C1GALT1: variants seen among roughly 807,000 people sequenced by gnomAD.
C1GALT1 encodes glycoprotein-N-acetylgalactosamine 3-beta-galactosyltransferase 1.
In C1GALT1, 11 loss-of-function variants were observed where a neutral mutation model predicts 31.0. The observed-to-expected ratio is 0.36, with a 90% confidence interval of 0.22 to 0.59. C1GALT1 has a LOEUF of 0.59. Ranked by LOEUF, C1GALT1 falls within the 20% of genes least tolerant of loss-of-function variation. C1GALT1 has a pLI of 0.79. For missense variants in C1GALT1, 424 were observed against 425.2 expected (o/e 1.00, Z 0.03); for synonymous variants, 175 against 143.6 (o/e 1.22, Z -1.56).
At chr7:7,193,653 A>G (rs1043944640) in intron 1 of C1GALT1, among the ~76,000 whole-genome samples, 18 of 151,798 alleles carry the variant, frequency 1.2e-4, no homozygotes, top group African/African-American at 4.1e-4. Context: ...TGATTTGGCT[A>G]TGTGTGTTCC....
intron 1 of C1GALT1, among the ~76,000 whole-genome samples, chr7:7,196,238 A>G (rs1355954248): frequency 1.1e-5 from 1 of 90,568 alleles, no homozygotes; most frequent in African/African-American, 4.4e-5. Context: ...GACAGGCCCC[A>G]GTGTGTGATG....
At chr7:7,226,842 A>G (rs1474319941) in intron 1 of C1GALT1, among the ~76,000 whole-genome samples, 2 of 152,232 alleles carry the variant, frequency 1.3e-5, no homozygotes, top group African/African-American at 4.8e-5. Context: ...TACAGTTCAT[A>G]ATTCATATAA....
intron 1 of C1GALT1, among the ~76,000 whole-genome samples, chr7:7,210,234 G>T (rs905446185): frequency 4.1e-5 from 6 of 147,176 alleles, no homozygotes; most frequent in Admixed American, 1.4e-4. Flanking sequence ...TCTGAACCTG[G>T]AATTGTGGGA....
chr7:7,220,338 G>A (rs1204404707), intron 1 of C1GALT1, among the ~76,000 whole-genome samples: 2 of 152,134 alleles, frequency 1.3e-5, no homozygotes, highest in Admixed American at 1.3e-4. Context: ...TTAGAGTTGA[G>A]TGTTCTTTTT....
rs1289973747 is a variant in C1GALT1, at chr7:7,247,406, A to G, written c.*3679A>G. The G allele has an allele frequency of 6.6e-6, 1 of 152,146 alleles. No homozygotes were observed. Among genetic ancestry groups the G allele is most frequent in the Non-Finnish European group, 1.5e-5 (1 of 67,970 alleles). 9.4% of individuals were successfully genotyped at this position (152,146 alleles called of 1,614,324 possible). Reference sequence around the variant, plus strand: ...CATAGATAAAGCAGATTTTTGTCCCAGTTTGCTTTCAAATATAAATTTCAG... The same window carrying G: ...CATAGATAAAGCAGATTTTTGTCCCGGTTTGCTTTCAAATATAAATTTCAG... On this transcript the variant is annotated 3_prime_UTR_variant, in exon 4 of 4. Transcript: ENST00000436587.
chr7:7,169,256 G>A (rs79374149), intron 2 of C1GALT1, among the ~76,000 whole-genome samples: 3,765 of 152,102 alleles, frequency 0.025, 138 homozygotes, highest in East Asian at 0.16. Context: ...TCCATTTCTT[G>A]GTTGATGAAC....
intron 1 of C1GALT1, among the ~76,000 whole-genome samples, chr7:7,197,473 CATG>C (rs1191312890): frequency 6.6e-6 from 1 of 152,120 alleles, no homozygotes; most frequent in African/African-American, 2.4e-5. Flanking sequence ...AGTCAGGTAG[CATG>C]ATGCCTCCAG....
chr7:7,179,875 A>AC (rs1780550999), upstream of C1GALT1, among the ~76,000 whole-genome samples: 1 of 151,830 alleles, frequency 6.6e-6, no homozygotes, highest in Non-Finnish European at 1.5e-5. Flanking sequence ...AAAAAAAAAA[A>AC]AAGGGATGGG....
rs1783898078 is a variant in C1GALT1, at chr7:7,247,640, A to C, written c.*3913A>C. The C allele has an allele frequency of 6.6e-6, 1 of 152,092 alleles. No individual in the cohort carries two copies. The highest frequency in any genetic ancestry group is 2.1e-4 in the South Asian group (1 of 4,836). The allele number at this position is 152,092 out of a possible 1,614,324, so 9.4% of individuals were successfully genotyped here. A position where few individuals can be genotyped will look rare whatever the true frequency, so the allele number is the denominator to read the frequency against. ...TGTACTTGAAAGAATCCCTTGATTAAATTACATCTAGCATTTTATTTGCCA... is the reference window on the plus strand; with the variant it reads ...TGTACTTGAAAGAATCCCTTGATTACATTACATCTAGCATTTTATTTGCCA... On this transcript the variant is annotated 3_prime_UTR_variant, in exon 4 of 4. Coordinates refer to ENST00000436587, the MANE Select transcript of C1GALT1 (RefSeq NM_020156.5).
rs1255184120 is a variant in C1GALT1 at position 7,245,864 on chromosome 7, T to C, written c.*2137T>C. The C allele has an allele frequency of 6.6e-6, 1 of 152,234 alleles. No individual in the cohort carries two copies. The highest frequency in any genetic ancestry group is 1.5e-5 in the Non-Finnish European group (1 of 68,036). The allele number at this position is 152,234 out of a possible 1,614,324, so 9.4% of individuals were successfully genotyped here. On this transcript the variant is annotated 3_prime_UTR_variant, in exon 4 of 4. Coordinates refer to ENST00000436587, the MANE Select transcript of C1GALT1 (RefSeq NM_020156.5). Reference sequence around the variant, plus strand: ...TCTAACACTTACTGTTTTTGTAACCTTGAGCAATTTTAATCTCTCTGTGTC... The same window carrying C: ...TCTAACACTTACTGTTTTTGTAACCCTGAGCAATTTTAATCTCTCTGTGTC...
rs186784177 is a variant in C1GALT1, at chr7:7,159,303, A to G, written c.-18+1877A>G. On this transcript the variant is annotated intron_variant, in intron 2 of 3. Transcript: ENST00000429911. Reference sequence around the variant, plus strand: ...TAATATTGACCACCTTTTCTCTACTAGGAGGGTCAGATATAAAAAGTAGAA... The same window carrying G: ...TAATATTGACCACCTTTTCTCTACTGGGAGGGTCAGATATAAAAAGTAGAA... Among the ~76,000 whole-genome samples, 242 of 152,202 alleles carry G rather than the reference A, an allele frequency of 1.6e-3. 2 individuals are homozygous for G. Among genetic ancestry groups the G allele is most frequent in the Middle Eastern group, 0.01 (3 of 294 alleles).
chr7:7,212,335 T>C (rs1041128298), intron 1 of C1GALT1, among the ~76,000 whole-genome samples: 5 of 152,184 alleles, frequency 3.3e-5, no homozygotes, highest in Non-Finnish European at 7.3e-5. Context: ...CGTGTCAAGC[T>C]TGATTCCTTA....
intron 1 of C1GALT1, among the ~76,000 whole-genome samples, chr7:7,207,171 A>G (rs979008532): frequency 7.2e-5 from 11 of 151,824 alleles, no homozygotes; most frequent in African/African-American, 2.2e-4. Flanking sequence ...AATAATTTCA[A>G]TTGTTCTCTC....
At chr7:7,183,457 T>C (rs1310732889) in intron 1 of C1GALT1, 2 of 266,720 alleles carry the variant, frequency 7.5e-6, no homozygotes, top group African/African-American at 4.6e-5. Context: ...CAGATACGTG[T>C]GTGTTGGGGC....
At chr7:7,213,478 T>A (rs7795279) in intron 1 of C1GALT1, among the ~76,000 whole-genome samples, 5,660 of 152,294 alleles carry the variant, frequency 0.037, 216 homozygotes, top group African/African-American at 0.11. Context: ...TTGGCAATCT[T>A]ATGTGACTAA....
intron 1 of C1GALT1, among the ~76,000 whole-genome samples, chr7:7,188,417 G>C (rs1008964539): frequency 1.3e-5 from 2 of 152,204 alleles, no homozygotes; most frequent in African/African-American, 4.8e-5. Context: ...ACTTGGAGAA[G>C]TCTGAAAGGA....
intron 1 of C1GALT1, among the ~76,000 whole-genome samples, chr7:7,231,789 CA>C (rs758639561): frequency 2.4e-3 from 339 of 138,856 alleles, no homozygotes; most frequent in Middle Eastern, 3.6e-3. Context: ...TGTTGTATAC[CA>C]AAAAAAAAAA....
chr7:7,220,798 G>A (rs1194938222), intron 1 of C1GALT1, among the ~76,000 whole-genome samples: 1 of 152,188 alleles, frequency 6.6e-6, no homozygotes, highest in Non-Finnish European at 1.5e-5. Context: ...GGGATTACAG[G>A]TGCGCCCAGC....
intron 1 of C1GALT1, chr7:7,183,656 T>C (rs1780689993): frequency 1.1e-6 from 1 of 942,208 alleles, no homozygotes. Context: ...TCTTTCCTGG[T>C]CCTTACCGTC....
Sources: gnomAD v4.1 joint callset for allele counts (sites outside exome capture counted in the v4.1 genomes callset) on GRCh38, gnomAD v4.1.1 for gene constraint, MANE v1.5 for transcripts, NCBI Gene and HGNC (gene_info 2026-07-23, HGNC 2026-07-21) for gene names.